FHIT: variants seen among roughly 807,000 people sequenced by gnomAD.
FHIT encodes the protein bis(5'-adenosyl)-triphosphatase.
In FHIT, 19 loss-of-function variants were observed where a neutral mutation model predicts 17.9. The observed-to-expected ratio is 1.06, with a 90% CI of 0.74 to 1.56. The LOEUF (loss-of-function observed/expected upper bound fraction) is 1.56. FHIT is among the 40% of genes most tolerant of loss of function. The pLI, the probability that FHIT is intolerant of heterozygous loss-of-function variation, is 0.00. For missense variants in FHIT, 248 were observed against 189.2 expected (o/e 1.31, Z -1.82); for synonymous variants, 81 against 69.7 (o/e 1.16, Z -0.81).
At chr3:59,878,051 T>C (rs182964826) in intron 8 of FHIT, among the ~76,000 whole-genome samples, 1 of 152,220 alleles carries the variant, frequency 6.6e-6, no homozygotes, top group Non-Finnish European at 1.5e-5. Flanking sequence ...GTAGTTATAT[T>C]TTAGGTTAAT....
rs922233481 is a variant in FHIT, at chr3:60,925,296, T to G, written c.-110-103285A>C. On this transcript the variant is annotated intron_variant, in intron 3 of 9. Transcript: ENST00000492590. ...GTTGAAATGAAGGAAAAAATGTTAA[T>G]GGCAGCCAGAGAGAAAGGTCGGGTT... 3.3e-5 allele frequency among the ~76,000 whole-genome samples: 5 copies of G among 152,140 alleles called. 1 individual carries two copies. The highest frequency in any genetic ancestry group is 4.1e-4 in the South Asian group (2 of 4,832).
chr3:61,203,600 C>A (rs1380109393), intron 1 of FHIT, among the ~76,000 whole-genome samples: 2 of 152,052 alleles, frequency 1.3e-5, no homozygotes, highest in Admixed American at 6.6e-5. Flanking sequence ...AATCTGGTAA[C>A]TTTAATAATA....
chr3:60,974,377 T>C (rs1440519610), intron 3 of FHIT, among the ~76,000 whole-genome samples: 1 of 152,198 alleles, frequency 6.6e-6, no homozygotes, highest in Non-Finnish European at 1.5e-5. Context: ...AATGAGCATG[T>C]GATCTACATT....
At chr3:59,939,601 G>C (rs1421070344) in intron 7 of FHIT, among the ~76,000 whole-genome samples, 2 of 152,186 alleles carry the variant, frequency 1.3e-5, no homozygotes, top group Non-Finnish European at 2.9e-5. Context: ...AAGGCTAAGT[G>C]TGTACTTGAC....
intron 4 of FHIT, among the ~76,000 whole-genome samples, chr3:60,601,947 A>C (rs565272662): frequency 6.6e-6 from 1 of 152,308 alleles, no homozygotes; most frequent in South Asian, 2.1e-4. Context: ...TCAAAGCTGA[A>C]AACTAAATTA....
chr3:59,896,070 C>T (rs1428762936), intron 8 of FHIT, among the ~76,000 whole-genome samples: 4 of 152,160 alleles, frequency 2.6e-5, no homozygotes, highest in Non-Finnish European at 5.9e-5. Flanking sequence ...TGTAGTCAGA[C>T]AAGTTTTCTT....
rs10716252 is a variant in FHIT, at chr3:60,171,871, A to AT, written c.104-157720dup. On this transcript the variant is annotated intron_variant, in intron 5 of 9. Coordinates refer to ENST00000492590, the MANE Select transcript of FHIT (RefSeq NM_002012.4). ...TAACCATGTGCCACCCTGCCCAGCT[A>AT]TTTTTTTTTTATAAATGGGATCTCA... Among the ~76,000 whole-genome samples, 1,240 of 150,962 alleles carry AT rather than the reference A, an allele frequency of 8.2e-3. 4 individuals carry two copies. Among genetic ancestry groups the AT allele is most frequent in the Middle Eastern group, 0.017 (5 of 294 alleles).
chr3:60,705,612 G>A (rs539705644), intron 4 of FHIT, among the ~76,000 whole-genome samples: 1 of 152,296 alleles, frequency 6.6e-6, no homozygotes, highest in East Asian at 1.9e-4. Context: ...ATCCCTTTGA[G>A]AAAAATACTA....
At chr3:60,565,348 C>A (rs2037095518) in intron 4 of FHIT, among the ~76,000 whole-genome samples, 2 of 152,078 alleles carry the variant, frequency 1.3e-5, no homozygotes, top group South Asian at 4.1e-4. Flanking sequence ...ACCCATGCTG[C>A]CCCCAAGCAC....
Position 61,198,906 on chromosome 3 carries a change from ATGATGATGATG to A in FHIT, c.-164+1700_-164+1710del, listed in dbSNP as rs1417531200. Among the ~76,000 whole-genome samples, 1,006 of 109,182 alleles carry A rather than the reference ATGATGATGATG, an allele frequency of 9.2e-3. 10 individuals carry two copies. Among genetic ancestry groups the A allele is most frequent in the African/African-American group, 0.04 (966 of 24,122 alleles). 71.6% of individuals were successfully genotyped at this position (109,182 alleles called of 152,430 possible). On this transcript the variant is annotated intron_variant, in intron 2 of 9. Coordinates refer to ENST00000492590, the MANE Select transcript of FHIT (RefSeq NM_002012.4). The stretch of plus-strand genomic sequence containing the variant: ...GCTGCTGCCGCCGCCGATGATGATG[ATGATGATGATG>A]ATGATGATGATGATGATGATATTAA...
intron 3 of FHIT, among the ~76,000 whole-genome samples, chr3:60,842,643 A>ATT (rs1390675032): frequency 2.1e-5 from 1 of 48,260 alleles, no homozygotes. Flanking sequence ...ATATATATAT[A>ATT]TATTTTTTTT....
intron 8 of FHIT, among the ~76,000 whole-genome samples, chr3:59,873,005 C>A (rs542487202): frequency 2.0e-5 from 3 of 152,350 alleles, no homozygotes; most frequent in African/African-American, 7.2e-5. Context: ...ACCTTCATCT[C>A]CTTCACAGCC....
intron 3 of FHIT, among the ~76,000 whole-genome samples, chr3:60,894,034 A>G (rs1440717204): frequency 1.3e-5 from 2 of 152,198 alleles, no homozygotes; most frequent in African/African-American, 4.8e-5. Context: ...CCTGAAATCA[A>G]CACTTAGGTT....
intron 1 of FHIT, among the ~76,000 whole-genome samples, chr3:61,230,473 C>A (rs1576267067): frequency 6.6e-6 from 1 of 152,126 alleles, no homozygotes; most frequent in Non-Finnish European, 1.5e-5. Context: ...CAGCACCATG[C>A]TTGTACAGCC....
chr3:60,524,406 G>C (rs187623502), intron 5 of FHIT, among the ~76,000 whole-genome samples: 1 of 152,258 alleles, frequency 6.6e-6, no homozygotes, highest in East Asian at 1.9e-4. Flanking sequence ...ATGTACATCT[G>C]GGGAATTGGC....
At chr3:60,481,322 G>C (rs2107474951) in intron 5 of FHIT, among the ~76,000 whole-genome samples, 1 of 152,170 alleles carries the variant, frequency 6.6e-6, no homozygotes, top group South Asian at 2.1e-4. Context: ...AAAATTCAGA[G>C]AACACCACTA....
chr3:61,231,909 A>G (rs2040113382), intron 1 of FHIT, among the ~76,000 whole-genome samples: 1 of 152,204 alleles, frequency 6.6e-6, no homozygotes, highest in Non-Finnish European at 1.5e-5. Flanking sequence ...GTATGCCTAT[A>G]TTATTGAACT....
intron 5 of FHIT, among the ~76,000 whole-genome samples, chr3:60,168,688 T>C (rs867139570): frequency 6.6e-6 from 1 of 152,342 alleles, no homozygotes. Context: ...ACAGGGGACA[T>C]TATCCTGCGT....
At chr3:60,888,721 T>C (rs1219350440) in intron 3 of FHIT, among the ~76,000 whole-genome samples, 1 of 152,222 alleles carries the variant, frequency 6.6e-6, no homozygotes, top group East Asian at 1.9e-4. Context: ...AATGTCCATA[T>C]AAGAACAATG....
Sources: gnomAD v4.1 joint callset for allele counts (sites outside exome capture counted in the v4.1 genomes callset) on GRCh38, gnomAD v4.1.1 for gene constraint, MANE v1.5 for transcripts, NCBI Gene and HGNC (gene_info 2026-07-23, HGNC 2026-07-21) for gene names.